The following SMARCC1 variants were observed in gnomAD, a reference collection of about 807,000 sequenced individuals.
SMARCC1 encodes the protein SWI/SNF complex subunit SMARCC1.
A neutral mutation model predicts 147.4 loss-of-function variants in SMARCC1; 43 were observed. The ratio of observed to expected loss-of-function variants is 0.29; its 90% confidence interval spans 0.23 to 0.38. The LOEUF (loss-of-function observed/expected upper bound fraction) is 0.38. Ranked by LOEUF, SMARCC1 falls within the 10% of genes least tolerant of loss-of-function variation. The probability of loss-of-function intolerance (pLI) is 1.00; values close to 1 mark genes in which losing one functional copy is unlikely to be tolerated. For missense variants in SMARCC1, 1,119 were observed against 1,381.1 expected, an observed-to-expected ratio of 0.81 and a Z score of 3.01; for synonymous variants, 495 against 484.4, an observed-to-expected ratio of 1.02 and a Z score of -0.29.
chr3:47,654,422 T>G (rs919635681), intron 21 of SMARCC1, among the ~76,000 whole-genome samples: 5 of 152,222 alleles, frequency 3.3e-5, no homozygotes, highest in Non-Finnish European at 7.3e-5. Flanking sequence ...CTAAGAATTA[T>G]AGATACTCTC....
chr3:47,639,474 G>A (rs957918388), intron 21 of SMARCC1, among the ~76,000 whole-genome samples: 1 of 152,164 alleles, frequency 6.6e-6, no homozygotes, highest in African/African-American at 2.4e-5. Flanking sequence ...AGCACTTTGG[G>A]AGGCCGAGGC....
intron 7 of SMARCC1, among the ~76,000 whole-genome samples, chr3:47,718,146 A>C (rs1264640265): frequency 6.7e-6 from 1 of 148,816 alleles, no homozygotes; most frequent in East Asian, 2.0e-4. Context: ...CTCAAAAAAA[A>C]AAAAAAAAAA....
rs1327920292 is a variant in SMARCC1 at position 47,596,208 on chromosome 3, T to G, written c.3044-5371A>C. Among the ~76,000 whole-genome samples, 3 of 152,316 alleles carry G rather than the reference T, an allele frequency of 2.0e-5. No individual in the cohort carries two copies. In the South Asian group the frequency reaches 6.2e-4, roughly 32 times the overall value. ...CTACAGAGGACTTAGTGAAAGGTTC[T>G]GAAAAGAAGAGAAGCTTGAACCTAA... On this transcript the variant is annotated intron_variant, in intron 26 of 27. Coordinates refer to ENST00000254480, the MANE Select transcript of SMARCC1 (RefSeq NM_003074.4).
intron 27 of SMARCC1, 55 bp downstream of exon 27, chr3:47,590,606 T>C: frequency 4.9e-6 from 7 of 1,417,316 alleles, no homozygotes; most frequent in Non-Finnish European, 6.5e-6. Flanking sequence ...TTCCCTTATC[T>C]ACAGCCCTCC....
chr3:47,695,875 T>TG (rs2033842972), intron 11 of SMARCC1, among the ~76,000 whole-genome samples: 1 of 1,580 alleles, frequency 6.3e-4, no homozygotes, highest in Non-Finnish European at 1.4e-3. Context: ...AAGACCTGCC[T>TG]GGCCAAGGTG....
At chr3:47,655,098 A>AT (rs548545605) in intron 21 of SMARCC1, among the ~76,000 whole-genome samples, 226 of 152,336 alleles carry the variant, frequency 1.5e-3, no homozygotes, top group Non-Finnish European at 2.7e-3. Flanking sequence ...AAATGGTAAG[A>AT]TTTTAGGTTT....
chr3:47,661,463 A>C lies in SMARCC1; in HGVS notation c.2159-8T>G, dbSNP rs1402868142. 6.3e-7 allele frequency: 1 copy of C among 1,590,854 alleles called. No individual in the cohort carries two copies. Among genetic ancestry groups the C allele is most frequent in the Non-Finnish European group, 8.5e-7 (1 of 1,173,216 alleles). On this transcript the variant is annotated splice_polypyrimidine_tract_variant and splice_region_variant and intron_variant, in intron 20 of 27. Coordinates refer to ENST00000254480, the MANE Select transcript of SMARCC1 (RefSeq NM_003074.4). ...GGACCCGAGAAAACTCCTCTGGTTC[A>C]AGAATAAAAATGGAACAGCAATCTA...
At chr3:47,613,696 A>G (rs777989536) in intron 25 of SMARCC1, among the ~76,000 whole-genome samples, 1 of 152,090 alleles carries the variant, frequency 6.6e-6, no homozygotes, top group African/African-American at 2.4e-5. Context: ...TATCACACAC[A>G]TATGTTTAAT....
chr3:47,681,376 T>C (rs547750470), intron 14 of SMARCC1, among the ~76,000 whole-genome samples: 1 of 152,318 alleles, frequency 6.6e-6, no homozygotes, highest in African/African-American at 2.4e-5. Flanking sequence ...TCACTATCAA[T>C]TGCTTTTAAT....
intron 21 of SMARCC1, among the ~76,000 whole-genome samples, chr3:47,640,034 ACCAC>A (rs1449619499): frequency 1.3e-5 from 2 of 152,176 alleles, no homozygotes; most frequent in African/African-American, 4.8e-5. Flanking sequence ...AATTTCTCCA[ACCAC>A]AATGCAATGA....
chr3:47,696,975 C>G (rs910492695), intron 11 of SMARCC1, among the ~76,000 whole-genome samples: 3 of 152,158 alleles, frequency 2.0e-5, no homozygotes, highest in Non-Finnish European at 4.4e-5. Context: ...AATCCTCTCA[C>G]TGAATAGCTA....
At position 47,668,988 on chromosome 3, in the gene SMARCC1, C is replaced by G. The variant is rs555567234; in HGVS notation, c.1899+1670G>C. On this transcript the variant is annotated intron_variant, in intron 19 of 27. Transcript: ENST00000254480. ...AAAGAGACTATATTTGATTATAAAT[C>G]CATTTAAAAATACTCATCTGACTTC... Among the ~76,000 whole-genome samples the G allele has an allele frequency of 2.0e-5, 3 of 152,178 alleles. No individual in the cohort carries two copies. The East Asian group carries it at 5.8e-4, about 29-fold the overall frequency.
chr3:47,703,522 A>G (rs1302300181), intron 10 of SMARCC1, among the ~76,000 whole-genome samples: 1 of 152,250 alleles, frequency 6.6e-6, no homozygotes, highest in Non-Finnish European at 1.5e-5. Context: ...ATAAAATAAT[A>G]AAGAAAGACA....
intron 3 of SMARCC1, among the ~76,000 whole-genome samples, chr3:47,741,362 T>A: frequency 2.7e-5 from 1 of 36,472 alleles, no homozygotes; most frequent in Non-Finnish European, 9.3e-5. Flanking sequence ...ACTCAACGAT[T>A]TAATATTAAA....
At chr3:47,599,883 A>T (rs1305770104) in intron 26 of SMARCC1, among the ~76,000 whole-genome samples, 1 of 152,226 alleles carries the variant, frequency 6.6e-6, no homozygotes, top group Non-Finnish European at 1.5e-5. Flanking sequence ...CCACAAAGTG[A>T]TGTCTACCTA....
At chr3:47,612,980 T>C (rs2032584520) in intron 25 of SMARCC1, among the ~76,000 whole-genome samples, 1 of 152,250 alleles carries the variant, frequency 6.6e-6, no homozygotes, top group Non-Finnish European at 1.5e-5. Context: ...TTTCTTGTTC[T>C]AGATACCTTA....
chr3:47,661,850 T>C (rs1053171689), intron 20 of SMARCC1, among the ~76,000 whole-genome samples: 1 of 152,222 alleles, frequency 6.6e-6, no homozygotes, highest in Non-Finnish European at 1.5e-5. Context: ...TTACAATTAA[T>C]GTGTAACCCA....
At chr3:47,768,898 A>G (rs1030273571) in intron 2 of SMARCC1, among the ~76,000 whole-genome samples, 1 of 152,100 alleles carries the variant, frequency 6.6e-6, no homozygotes, top group Non-Finnish European at 1.5e-5. Flanking sequence ...AGTATGTTTA[A>G]ATTTTTGTTA....
At chr3:47,694,586 C>A (rs182197678) in intron 11 of SMARCC1, among the ~76,000 whole-genome samples, 5 of 152,130 alleles carry the variant, frequency 3.3e-5, no homozygotes, top group African/African-American at 1.2e-4. Flanking sequence ...GACAACAGAG[C>A]GAGACTCAGT....
Sources: allele counts gnomAD v4.1 joint callset (sites outside exome capture counted in the v4.1 genomes callset), GRCh38; gene constraint gnomAD v4.1.1; transcripts MANE v1.5; gene names NCBI Gene and HGNC (gene_info 2026-07-23, HGNC 2026-07-21).